Variants in PITPNA observed in about 807,000 individuals in gnomAD.
PITPNA encodes the protein phosphatidylinositol transfer protein alpha, also known as phosphatidylinositol transfer protein alpha isoform.
In PITPNA, 13 loss-of-function variants were observed where a neutral mutation model predicts 50.3. The observed-to-expected ratio is 0.26, with a 90% confidence interval of 0.17 to 0.41. The LOEUF is 0.41. PITPNA is among the 10% of genes least tolerant of loss of function. The pLI is 1.00. For synonymous variants in PITPNA, 120 were observed against 119.6 expected, an observed-to-expected ratio of 1.00 and a Z score of -0.02; for missense variants, 207 against 333.4, an observed-to-expected ratio of 0.62 and a Z score of 2.95.
At chr17:1,554,152 C>G (rs1359765540) in intron 2 of PITPNA, among the ~76,000 whole-genome samples, 1 of 152,092 alleles carries the variant, frequency 6.6e-6, no homozygotes, top group Non-Finnish European at 1.5e-5. Context: ...GAGGAGAAAA[C>G]AAGGTGAAAA....
chr17:1,535,276 T>C lies in PITPNA; in HGVS notation c.551A>G (p.Gln184Arg), dbSNP rs750117037. 3 of 1,613,210 alleles carry C rather than the reference T, an allele frequency of 1.9e-6. No individual in the cohort carries two copies. Among genetic ancestry groups the C allele is most frequent in the Admixed American group, 3.3e-5 (2 of 60,024 alleles). The part of the protein sequence containing the change: ...GPNWKQELVN[Q>R]KDCPYMCAYK... ...TGCACACATATATGGGCAGTCCTTC[T>C]GGTTTACAAGCTCTTGCTGCATTAG... The change falls in exon 9 of 12, where the codon CAG becomes CGG. Residue 184 changes from glutamine (Q) to arginine (R), a missense_variant. Transcript: ENST00000313486.
intron 1 of PITPNA, among the ~76,000 whole-genome samples, chr17:1,558,791 C>CA (rs1314738710): frequency 8.4e-5 from 10 of 118,814 alleles, no homozygotes; most frequent in Non-Finnish European, 1.6e-4. Flanking sequence ...CCCCCCCCCC[C>CA]AGAGAATGGC....
intron 3 of PITPNA, among the ~76,000 whole-genome samples, chr17:1,551,594 C>A (rs998900784): frequency 6.6e-6 from 1 of 152,148 alleles, no homozygotes; most frequent in Non-Finnish European, 1.5e-5. Flanking sequence ...AAGCACCCGG[C>A]CAGGTTCCAT....
At chr17:1,543,935 C>A (rs1374192006) in intron 4 of PITPNA, among the ~76,000 whole-genome samples, 1 of 152,220 alleles carries the variant, frequency 6.6e-6, no homozygotes, top group African/African-American at 2.4e-5. Flanking sequence ...AAAAGGAAAT[C>A]ATGGGTATAG....
At chr17:1,526,933 T>G (rs2075551536) in intron 10 of PITPNA, among the ~76,000 whole-genome samples, 1 of 152,112 alleles carries the variant, frequency 6.6e-6, no homozygotes, top group Non-Finnish European at 1.5e-5. Context: ...CTAATTTTTG[T>G]ATTTTTAGTA....
At chr17:1,538,020 C>A (rs1005229602) in intron 7 of PITPNA, among the ~76,000 whole-genome samples, 3 of 151,986 alleles carry the variant, frequency 2.0e-5, no homozygotes, top group African/African-American at 7.3e-5. Flanking sequence ...AGGATGGTCT[C>A]GAACTCAGGA....
intron 3 of PITPNA, among the ~76,000 whole-genome samples, chr17:1,551,068 G>A (rs953368542): frequency 6.6e-6 from 1 of 151,386 alleles, no homozygotes; most frequent in Non-Finnish European, 1.5e-5. Context: ...ATTGCGGGGC[G>A]GAGTCAGCGG....
intron 2 of PITPNA, among the ~76,000 whole-genome samples, chr17:1,556,577 C>A (rs915018542): frequency 4.6e-5 from 7 of 152,148 alleles, no homozygotes; most frequent in East Asian, 1.9e-4. Flanking sequence ...TCTCGCCCTT[C>A]GTTCCATCAA....
Position 1,551,790 on chromosome 17 carries a change from T to C in PITPNA, c.197+1214A>G, listed in dbSNP as rs569148596. Among the ~76,000 whole-genome samples the C allele has an allele frequency of 2.3e-3, 352 of 152,312 alleles. 1 individual carries two copies. Among genetic ancestry groups the C allele is most frequent in the Non-Finnish European group, 4.3e-3 (294 of 67,994 alleles). The stretch of plus-strand genomic sequence containing the variant: ...AGAAAAAGTGTGCTGGTGAGGAGAC[T>C]GAGTGATGGTGAGGTTCCTCCCCGC... On this transcript the variant is annotated intron_variant, in intron 3 of 11. Coordinates refer to ENST00000313486, the MANE Select transcript of PITPNA (RefSeq NM_006224.4).
chr17:1,557,882 C>T (rs1567588515), intron 2 of PITPNA, among the ~76,000 whole-genome samples: 1 of 152,184 alleles, frequency 6.6e-6, no homozygotes, highest in Non-Finnish European at 1.5e-5. Context: ...GAGCCACGCA[C>T]ACTTGCCAGC....
chr17:1,548,904 T>TTTTG (rs2075692928), intron 3 of PITPNA, among the ~76,000 whole-genome samples: 1 of 152,084 alleles, frequency 6.6e-6, no homozygotes, highest in Admixed American at 6.6e-5. Context: ...AATTCTTTTT[T>TTTTG]TTTGTTTGTT....
intron 7 of PITPNA, among the ~76,000 whole-genome samples, chr17:1,537,944 G>A (rs1252208396): frequency 6.6e-6 from 1 of 151,984 alleles, no homozygotes; most frequent in Non-Finnish European, 1.5e-5. Flanking sequence ...GGGATTACAG[G>A]CACGTACCAC....
chr17:1,558,485 A>G, intron 2 of PITPNA, 44 bp downstream of exon 2: 15 of 1,368,064 alleles, frequency 1.1e-5, no homozygotes, highest in Non-Finnish European at 1.6e-5. Flanking sequence ...CAATGGTCAC[A>G]AACAGTTACA....
chr17:1,539,070 ATAAG>A (rs1398223108), intron 6 of PITPNA, 118 bp from the exon 7 acceptor site: 7 of 634,880 alleles, frequency 1.1e-5, no homozygotes, highest in South Asian at 3.7e-5. Context: ...ATTCCTAATG[ATAAG>A]TAATTATACA....
rs2075774387 is a variant in PITPNA, at chr17:1,562,606, G to T, written c.-46C>A. The T allele has an allele frequency of 8.2e-7, 1 of 1,213,006 alleles. No homozygotes were observed. Among genetic ancestry groups the T allele is most frequent in the Non-Finnish European group, 1.0e-6 (1 of 972,414 alleles). 75.1% of individuals were successfully genotyped at this position (1,213,006 alleles called of 1,614,324 possible). ...CTGCCCGCGGCCCGCCCGGCCTCCCGCCCGCTGCCCGCCGGCCGCTCTCCC... is the reference window on the plus strand; with the variant it reads ...CTGCCCGCGGCCCGCCCGGCCTCCCTCCCGCTGCCCGCCGGCCGCTCTCCC... On this transcript the variant is annotated 5_prime_UTR_variant, in exon 1 of 12. Transcript: ENST00000313486. The surrounding 1 kb of genome is among the most constrained non-coding windows in gnomAD (Gnocchi z 6.4).
Position 1,521,599 on chromosome 17 carries a change from C to T in PITPNA, c.*2G>A. 1.9e-6 allele frequency: 3 copies of T among 1,613,068 alleles called. No homozygotes were observed. The highest frequency in any genetic ancestry group is 1.1e-5 in the South Asian group (1 of 91,066). ...CGTACAGTGCAGAGGGGAAAGGCGG[C>T]TTTAGTCATCTGCTGTCATTCCTTT... On this transcript the variant is annotated 3_prime_UTR_variant, in exon 11 of 12. Transcript: ENST00000313486.
intron 4 of PITPNA, among the ~76,000 whole-genome samples, chr17:1,546,919 C>T (rs1402660977): frequency 3.9e-5 from 6 of 152,122 alleles, no homozygotes; most frequent in Non-Finnish European, 8.8e-5. Context: ...CCTGTATCCT[C>T]AATTACAGAA....
intron 6 of PITPNA, among the ~76,000 whole-genome samples, chr17:1,540,584 T>TC (rs1245406280): frequency 2.0e-5 from 3 of 150,254 alleles, no homozygotes; most frequent in Non-Finnish European, 4.5e-5. Context: ...TAACGGGCCT[T>TC]TTTTTTCTCT....
chr17:1,561,814 C>T (rs968740575), intron 1 of PITPNA, among the ~76,000 whole-genome samples: 1 of 152,196 alleles, frequency 6.6e-6, no homozygotes, highest in African/African-American at 2.4e-5. Context: ...ACCACCACCC[C>T]TCACCCGATG....
Sources: allele counts gnomAD v4.1 joint callset (sites outside exome capture counted in the v4.1 genomes callset), GRCh38; gene constraint gnomAD v4.1.1; non-coding constraint Gnocchi (gnomAD v3.1); transcripts MANE v1.5; gene names NCBI Gene and HGNC (gene_info 2026-07-23, HGNC 2026-07-21).